MYO3B: variants seen among roughly 807,000 people sequenced by gnomAD.
The protein encoded by MYO3B is myosin IIIB, also known as myosin-IIIb.
MYO3B carries 156 observed loss-of-function variants against 174.6 expected under a neutral mutation model. The observed-to-expected ratio is 0.89, with a 90% confidence interval of 0.78 to 1.02. The LOEUF is 1.02. Ranked by LOEUF, MYO3B falls within the 50% of genes least tolerant of loss-of-function variation. The pLI, the probability that MYO3B is intolerant of heterozygous loss-of-function variation, is 0.00. For missense variants in MYO3B, 1,632 were observed against 1,639.4 expected, an observed-to-expected ratio of 1.00 and a Z score of 0.08; for synonymous variants, 563 against 569.1, an observed-to-expected ratio of 0.99 and a Z score of 0.15.
At chr2:170,590,683 A>T (rs1337520890) in intron 32 of MYO3B, among the ~76,000 whole-genome samples, 1 of 151,870 alleles carries the variant, frequency 6.6e-6, no homozygotes, top group African/African-American at 2.4e-5. Flanking sequence ...CCTGCATGGA[A>T]CTGAGCTAAG....
chr2:170,523,322 C>T (rs1460330913), intron 30 of MYO3B, among the ~76,000 whole-genome samples: 1 of 152,114 alleles, frequency 6.6e-6, no homozygotes, highest in Admixed American at 6.5e-5. Flanking sequence ...AAGAGGATCC[C>T]GAATAACTTA....
At chr2:170,343,058 CA>C (rs2093988641) in intron 8 of MYO3B, among the ~76,000 whole-genome samples, 1 of 145,410 alleles carries the variant, frequency 6.9e-6, no homozygotes, top group South Asian at 2.1e-4. Context: ...CACACACACA[CA>C]CACACACACA....
At chr2:170,612,918 C>T (rs905572047) in intron 32 of MYO3B, among the ~76,000 whole-genome samples, 1 of 152,180 alleles carries the variant, frequency 6.6e-6, no homozygotes, top group Non-Finnish European at 1.5e-5. Flanking sequence ...GGACTATAAG[C>T]TCTCACAGAT....
intron 32 of MYO3B, among the ~76,000 whole-genome samples, chr2:170,594,200 A>G (rs1192149500): frequency 2.0e-5 from 3 of 152,060 alleles, no homozygotes; most frequent in Non-Finnish European, 4.4e-5. Context: ...GGCCTCTCTG[A>G]GACTTTATAT....
chr2:170,207,363 C>T (rs1016154704), intron 3 of MYO3B, among the ~76,000 whole-genome samples: 5 of 151,980 alleles, frequency 3.3e-5, no homozygotes, highest in Non-Finnish European at 7.4e-5. Flanking sequence ...GAGAAAGAGA[C>T]AAACTGGGTT....
chr2:170,595,437 T>C (rs1303035840), intron 32 of MYO3B, among the ~76,000 whole-genome samples: 1 of 152,008 alleles, frequency 6.6e-6, no homozygotes, highest in African/African-American at 2.4e-5. Flanking sequence ...TCTAAGTGCT[T>C]GTTTTTGTTT....
intron 32 of MYO3B, among the ~76,000 whole-genome samples, chr2:170,628,035 C>G (rs1346164803): frequency 1.3e-5 from 2 of 152,212 alleles, no homozygotes; most frequent in Non-Finnish European, 2.9e-5. Context: ...TCTCAGATCT[C>G]AAACTCTGTG....
In MYO3B at chr2:170,653,213, C is replaced by T. The variant is rs948488196; in HGVS notation, c.*92C>T. On this transcript the variant is annotated 3_prime_UTR_variant, in exon 35 of 35. Coordinates refer to ENST00000408978, the MANE Select transcript of MYO3B (RefSeq NM_138995.5). ...GCGTAAGAAAGCACTGATATGGGGT[C>T]AGCTTCTTTGGACATATGGTCCATG... is the stretch of plus-strand genomic sequence containing the variant. The T allele has an allele frequency of 1.3e-6, 2 of 1,509,156 alleles. No individual in the cohort carries two copies. The highest frequency in any genetic ancestry group is 2.8e-5 in the African/African-American group (2 of 72,438). The allele number at this position is 1,509,156 out of a possible 1,614,324, so 93.5% of individuals were successfully genotyped here. A position where few individuals can be genotyped will look rare whatever the true frequency, so the allele number is the denominator to read the frequency against.
At chr2:170,178,540 G>C (rs907531722) in intron 1 of MYO3B, among the ~76,000 whole-genome samples, 1 of 80,118 alleles carries the variant, frequency 1.2e-5, no homozygotes, top group Non-Finnish European at 2.5e-5. Flanking sequence ...TTTTTACACA[G>C]ACACACACCA....
At chr2:170,325,123 C>T (rs1254206810) in intron 7 of MYO3B, among the ~76,000 whole-genome samples, 1 of 152,106 alleles carries the variant, frequency 6.6e-6, no homozygotes, top group Non-Finnish European at 1.5e-5. Flanking sequence ...CTTCCAATAC[C>T]TGCTATATCT....
chr2:170,606,749 G>A (rs541660686), intron 32 of MYO3B, among the ~76,000 whole-genome samples: 4 of 152,268 alleles, frequency 2.6e-5, no homozygotes, highest in South Asian at 4.2e-4. Flanking sequence ...GGCCGGGCAC[G>A]GTGGCTCACA....
rs916059596 is a variant in MYO3B at position 170,654,345 on chromosome 2, T to C, written c.*1224T>C. 5 of 151,956 alleles carry C rather than the reference T, an allele frequency of 3.3e-5. No individual in the cohort carries two copies. Among genetic ancestry groups the C allele is most frequent in the African/African-American group, 9.7e-5 (4 of 41,356 alleles). The allele number at this position is 151,956 out of a possible 1,614,324, so 9.4% of individuals were successfully genotyped here. On this transcript the variant is annotated 3_prime_UTR_variant, in exon 35 of 35. Transcript: ENST00000408978. ...TTACTCTAAAATATGTGGTAGATAGTATGCAAGAAAAGCCGGGTGCGGTGG... is the reference window on the plus strand; with the variant it reads ...TTACTCTAAAATATGTGGTAGATAGCATGCAAGAAAAGCCGGGTGCGGTGG...
chr2:170,366,300 T>TTTTTTG (rs1423710953), intron 8 of MYO3B, among the ~76,000 whole-genome samples: 1 of 152,042 alleles, frequency 6.6e-6, no homozygotes, highest in Non-Finnish European at 1.5e-5. Context: ...TTTTTGTTTG[T>TTTTTTG]TTTTTGTTTT....
intron 16 of MYO3B, among the ~76,000 whole-genome samples, chr2:170,399,261 AAAAAAGAGAG>A (rs1453470434): frequency 6.5e-5 from 8 of 123,324 alleles, no homozygotes; most frequent in African/African-American, 2.2e-4. Flanking sequence ...AAAAAAAAAA[AAAAAAGAGAG>A]AGACCAGTCT....
intron 17 of MYO3B, among the ~76,000 whole-genome samples, chr2:170,400,596 G>C (rs1283225055): frequency 6.6e-6 from 1 of 151,444 alleles, no homozygotes; most frequent in African/African-American, 2.4e-5. Context: ...GTAGAGACGG[G>C]GTTTCACCAT....
intron 30 of MYO3B, among the ~76,000 whole-genome samples, chr2:170,536,292 G>A (rs555915090): frequency 6.6e-6 from 1 of 152,326 alleles, no homozygotes; most frequent in Non-Finnish European, 1.5e-5. Context: ...ACAGTCATCA[G>A]CCTTTTTGAG....
At chr2:170,565,646 C>A (rs1387642835) in intron 32 of MYO3B, among the ~76,000 whole-genome samples, 2 of 152,168 alleles carry the variant, frequency 1.3e-5, no homozygotes, top group Non-Finnish European at 2.9e-5. Context: ...CTGTCTAGAA[C>A]AGTGGGGGAC....
At chr2:170,316,217 A>G (rs961453170) in intron 7 of MYO3B, among the ~76,000 whole-genome samples, 3 of 152,228 alleles carry the variant, frequency 2.0e-5, no homozygotes, top group African/African-American at 2.4e-5. Flanking sequence ...ATATGTACAT[A>G]TGTGTGTGTA....
At chr2:170,499,929 CCCTCCCTT>C (rs1174778661) in intron 27 of MYO3B, 121 bp downstream of exon 27, 3 of 736,796 alleles carry the variant, frequency 4.1e-6, no homozygotes, top group Non-Finnish European at 2.1e-6. Context: ...TCCCCTCCCT[CCCTCCCTT>C]CCTTCCTTCC....
Sources: allele counts gnomAD v4.1 joint callset (sites outside exome capture counted in the v4.1 genomes callset), GRCh38; gene constraint gnomAD v4.1.1; transcripts MANE v1.5; gene names NCBI Gene and HGNC (gene_info 2026-07-23, HGNC 2026-07-21).